Variants in C10orf88 observed in about 807,000 individuals in gnomAD.
The protein encoded by C10orf88 is ATPase PAAT.
A neutral mutation model predicts 34.2 loss-of-function variants in C10orf88; 29 were observed. The observed-to-expected ratio is 0.85, with a 90% CI of 0.63 to 1.16. The LOEUF (loss-of-function observed/expected upper bound fraction) is 1.16, where lower values mean the gene tolerates loss of function less well. Ranked by LOEUF, C10orf88 falls within the 50% of genes most tolerant of loss-of-function variation. The pLI, the probability that C10orf88 is intolerant of heterozygous loss-of-function variation, is 0.00. For synonymous variants in C10orf88, 194 were observed against 197.4 expected (o/e 0.98, Z 0.15); for missense variants, 507 against 533.2 (o/e 0.95, Z 0.48).
intron 4 of C10orf88, among the ~76,000 whole-genome samples, chr10:122,943,848 T>G (rs899572837): frequency 6.6e-5 from 10 of 152,302 alleles, no homozygotes; most frequent in African/African-American, 2.4e-4. Context: ...CCAGTTAGAA[T>G]GGCAATCATT....
chr10:122,940,492 T>C (rs892178083), intron 4 of C10orf88, among the ~76,000 whole-genome samples: 1 of 152,036 alleles, frequency 6.6e-6, no homozygotes, highest in Non-Finnish European at 1.5e-5. Flanking sequence ...TGTACAACAG[T>C]GTCTATAGTT....
Position 122,952,324 on chromosome 10 carries a change from A to G in C10orf88, c.369-298T>C, listed in dbSNP as rs185086161. Among the ~76,000 whole-genome samples the G allele has an allele frequency of 5.5e-3, 833 of 152,368 alleles. 10 individuals are homozygous for G. The highest frequency in any genetic ancestry group is 0.01 in the Admixed American group (156 of 15,302). ...CAACATGCAGGATATAAAACAGTTCATATTTTGTGTTAAAGACAGATTGGA... is the reference window on the plus strand; with the variant it reads ...CAACATGCAGGATATAAAACAGTTCGTATTTTGTGTTAAAGACAGATTGGA... On this transcript the variant is annotated intron_variant, in intron 2 of 5. Transcript: ENST00000481909.
chr10:122,949,781 T>C (rs1257430703), intron 3 of C10orf88, among the ~76,000 whole-genome samples: 1 of 152,160 alleles, frequency 6.6e-6, no homozygotes, highest in Non-Finnish European at 1.5e-5. Context: ...ACTTGCTACT[T>C]AACACAAAAT....
At chr10:122,951,064 G>C (rs1848685261) in intron 3 of C10orf88, among the ~76,000 whole-genome samples, 1 of 152,106 alleles carries the variant, frequency 6.6e-6, no homozygotes, top group Admixed American at 6.5e-5. Flanking sequence ...CACTAGTCAG[G>C]ACAGAACTGA....
In C10orf88 at chr10:122,931,353, A is replaced by C. The variant is rs1014627143; in HGVS notation, c.*1074T>G. The C allele has an allele frequency of 2.0e-5, 3 of 152,214 alleles. No homozygotes were observed. Among genetic ancestry groups the C allele is most frequent in the Non-Finnish European group, 4.4e-5 (3 of 68,042 alleles). The allele number at this position is 152,214 out of a possible 1,614,324, so 9.4% of individuals were successfully genotyped here. On this transcript the variant is annotated 3_prime_UTR_variant, in exon 6 of 6. Transcript: ENST00000481909. ...CAGAGTTAGGGCAGGGTAAAAATTC[A>C]GCTATGTCACGCAGGAATTACATCA... is the stretch of plus-strand genomic sequence containing the variant.
intron 5 of C10orf88, among the ~76,000 whole-genome samples, chr10:122,936,349 T>A (rs535764248): frequency 1.8e-4 from 27 of 152,066 alleles, no homozygotes; most frequent in African/African-American, 6.3e-4. Flanking sequence ...CTTCTTTTTA[T>A]CTTTTGATAG....
intron 3 of C10orf88, among the ~76,000 whole-genome samples, 171 bp from the exon 4 acceptor site, chr10:122,949,026 T>C (rs1176641161): frequency 6.6e-6 from 1 of 152,196 alleles, no homozygotes; most frequent in Admixed American, 6.5e-5. Context: ...AAATTCCAAT[T>C]TATCATGAGG....
In C10orf88 at chr10:122,932,476, G is replaced by C; in HGVS notation, c.1289C>G (p.Pro430Arg). 1.2e-6 allele frequency: 2 copies of C among 1,613,966 alleles called. No individual in the cohort carries two copies. Among genetic ancestry groups the C allele is most frequent in the Non-Finnish European group, 1.7e-6 (2 of 1,179,936 alleles). Residue 430 changes from proline (P) to arginine (R), a missense_variant, in exon 6 of 6, where the codon CCT (proline) becomes CGT (arginine). Physicochemically the swap from Pro to Arg is moderately radical, Grantham distance 103. Transcript: ENST00000481909. ...TTCTCCAGAGTCATAATGTCTTAGA[G>C]GTATCCCAGTGGGCGGGGAGTTAGG... is the stretch of plus-strand genomic sequence containing the variant. ...QNPNSPPTGI[P>R]LRHYDSGERL...
intron 4 of C10orf88, among the ~76,000 whole-genome samples, chr10:122,941,391 G>A (rs966367361): frequency 6.6e-6 from 1 of 152,138 alleles, no homozygotes; most frequent in African/African-American, 2.4e-5. Context: ...AACTTGGCGT[G>A]TTGAACTTTA....
intron 4 of C10orf88, among the ~76,000 whole-genome samples, chr10:122,944,775 T>C (rs1390127161): frequency 3.3e-5 from 5 of 151,894 alleles, no homozygotes; most frequent in Non-Finnish European, 5.9e-5. Context: ...TCAAATTCCT[T>C]ATTTATCTTC....
intron 4 of C10orf88, among the ~76,000 whole-genome samples, chr10:122,940,347 A>G (rs1363243034): frequency 6.6e-6 from 1 of 152,044 alleles, no homozygotes; most frequent in East Asian, 1.9e-4. Flanking sequence ...TTAACATGAC[A>G]TATCTAAAAT....
intron 4 of C10orf88, among the ~76,000 whole-genome samples, chr10:122,941,180 C>T (rs1199039436): frequency 6.6e-6 from 1 of 151,944 alleles, no homozygotes; most frequent in Non-Finnish European, 1.5e-5. Context: ...GAAAATGGGT[C>T]ATATCCTTTC....
chr10:122,933,527 T>C (rs1441733727), intron 5 of C10orf88: 3 of 152,198 alleles, frequency 2.0e-5, no homozygotes, highest in Non-Finnish European at 4.4e-5. Context: ...ATGATTCTTT[T>C]GGGAATTCAC....
chr10:122,942,188 A>C (rs1848590761), intron 4 of C10orf88, among the ~76,000 whole-genome samples: 1 of 152,192 alleles, frequency 6.6e-6, no homozygotes, highest in African/African-American at 2.4e-5. Context: ...ATTTGTTCAC[A>C]AACAATTGCT....
In C10orf88 at chr10:122,954,165, G is replaced by A. The variant is rs759553397; in HGVS notation, c.14C>T (p.Thr5Ile). The A allele has an allele frequency of 6.4e-7, 1 of 1,572,226 alleles. No individual in the cohort carries two copies. Among genetic ancestry groups the A allele is most frequent in the South Asian group, 1.2e-5 (1 of 86,332 alleles). Residue 5 changes from threonine to isoleucine, a missense_variant, in exon 1 of 6, where the codon ACC becomes ATC. By Grantham distance (89) the Thr-to-Ile change is moderately conservative. Transcript: ENST00000481909. METR[T>I]EDGGLTRRPT... ...GCGGCGGGTGAGGCCCCCGTCCTCGGTCCGCGTCTCCATTCCGCCGCCTTC... is the reference window on the plus strand; with the variant it reads ...GCGGCGGGTGAGGCCCCCGTCCTCGATCCGCGTCTCCATTCCGCCGCCTTC...
Position 122,937,707 on chromosome 10 carries a change from A to T in C10orf88, c.1101T>A (p.Val367=), listed in dbSNP as rs1482126100. The change falls in exon 5 of 6, where the codon GTT becomes GTA. Residue 367 remains valine, a splice_region_variant and synonymous_variant. Transcript: ENST00000481909. ...ITKHGERILG[V]GMEEQSICSY... is the part of the protein sequence containing the mutation. ...GTATGTCTTAAAATAATACTTACCC[A>T]ACACCAAGAATGCGTTCACCATGCT... 1 of 1,596,094 alleles carries T rather than the reference A, an allele frequency of 6.3e-7. No homozygotes were observed. Among genetic ancestry groups the T allele is most frequent in the South Asian group, 1.1e-5 (1 of 88,980 alleles).
chr10:122,945,234 C>G (rs1848628733), intron 4 of C10orf88, among the ~76,000 whole-genome samples: 1 of 152,052 alleles, frequency 6.6e-6, no homozygotes, highest in African/African-American at 2.4e-5. Context: ...ACATTACTCA[C>G]ATGTTTGTGG....
intron 3 of C10orf88, among the ~76,000 whole-genome samples, chr10:122,950,506 T>G (rs1447575499): frequency 6.6e-6 from 1 of 152,248 alleles, no homozygotes; most frequent in Non-Finnish European, 1.5e-5. Context: ...CAAGAACTCT[T>G]AAGTGTTGAA....
At position 122,953,067 on chromosome 10, in the gene C10orf88, TA is replaced by T. The variant is rs1589698853; in HGVS notation, c.165-36del. The T allele has an allele frequency of 4.0e-6, 6 of 1,507,492 alleles. No homozygotes were observed. The East Asian group carries it at 1.4e-4, about 34-fold the overall frequency. 93.4% of individuals were successfully genotyped at this position (1,507,492 alleles called of 1,614,324 possible). A position where few individuals can be genotyped will look rare whatever the true frequency, so the allele number is the denominator to read the frequency against. On this transcript the variant is annotated intron_variant, in intron 1 of 5. Transcript: ENST00000481909. ...AAATTGGTGAAAACATCACACAGTA[TA>T]GTTCTCTGAACATGACTCTTCTTTT...
Sources: gnomAD v4.1 joint callset for allele counts (sites outside exome capture counted in the v4.1 genomes callset) on GRCh38, gnomAD v4.1.1 for gene constraint, MANE v1.5 for transcripts, NCBI Gene and HGNC (gene_info 2026-07-23, HGNC 2026-07-21) for gene names.